IL9R: variants seen among roughly 807,000 people sequenced by gnomAD.
IL9R encodes interleukin-9 receptor.
Under a neutral mutation model 56.3 loss-of-function variants are expected in IL9R, and 54 were observed. That is an observed-to-expected ratio of 0.96 (90% confidence interval 0.77 to 1.20). The LOEUF is 1.20. Among genes scored for constraint, IL9R ranks in the 50% most tolerant of loss-of-function variants. The pLI, the probability that IL9R is intolerant of heterozygous loss-of-function variation, is 0.00. For missense variants in IL9R, 545 were observed against 629.8 expected (o/e 0.87, Z 1.44); for synonymous variants, 212 against 250.2 (o/e 0.85, Z 1.44).
intron 1 of IL9R, among the ~76,000 whole-genome samples, chrX:156,000,630 T>C (rs1160854982): frequency 6.6e-6 from 1 of 151,998 alleles, no homozygotes; most frequent in Non-Finnish European, 1.5e-5. Flanking sequence ...TGTTACCAGG[T>C]GTTGTCTGAG....
rs377005229 is a variant in IL9R at position 156,004,570 on chromosome X, C to T, written c.579+5C>T. ...AAGCAGGAAGAGGCCTGGGAGGTAA[C>T]ACTTTGGCTGGCTTTCCCTGGGGGC... On this transcript the variant is annotated splice_donor_5th_base_variant and intron_variant, in intron 5 of 8. Coordinates refer to ENST00000244174, the MANE Select transcript of IL9R (RefSeq NM_002186.3). 1 of 1,612,196 alleles carries T rather than the reference C, an allele frequency of 6.2e-7. No homozygotes were observed. The highest frequency in any genetic ancestry group is 2.2e-5 in the East Asian group (1 of 44,874).
rs1249264170 is a variant in IL9R, at chrX:156,004,450, G to C, written c.464G>C (p.Ser155Thr). ...VKLDPPSDLQ[S>T]NISSGHCILT... ...CTGGACCCGCCCTCTGACTTGCAGA[G>C]CAACATCAGTTCTGGCCACTGCATC... is the stretch of plus-strand genomic sequence containing the variant. The change falls in exon 5 of 9, where the codon AGC becomes ACC. Residue 155 changes from serine (S) to threonine (T), a missense_variant. Physicochemically the swap from Ser to Thr is moderately conservative, Grantham distance 58 (BLOSUM62 1). Transcript: ENST00000244174. 3.7e-6 allele frequency: 6 copies of C among 1,613,790 alleles called. No individual in the cohort carries two copies. Among genetic ancestry groups the C allele is most frequent in the Non-Finnish European group, 3.4e-6 (4 of 1,179,848 alleles).
Position 156,006,150 on chromosome X carries a change from G to A in IL9R, c.849G>A (p.Leu283=). Residue 283 remains leucine, a synonymous_variant, in exon 7 of 9, where the codon CTG becomes CTA. Transcript: ENST00000244174. ...TTGCTGTGTCCATCTTTCTCCTGCT[G>A]ACTGGCCCGACCTACCTCCTGTTCA... ...TLVAVSIFLL[L]TGPTYLLFKL... is the part of the protein sequence containing the mutation. The A allele has an allele frequency of 6.6e-7, 1 of 1,514,430 alleles. No homozygotes were observed. The highest frequency in any genetic ancestry group is 9.2e-7 in the Non-Finnish European group (1 of 1,092,238). 93.8% of individuals were successfully genotyped at this position (1,514,430 alleles called of 1,614,324 possible).
At chrX:156,004,649 T>A in intron 5 of IL9R, 84 bp downstream of exon 5, 3 of 1,375,784 alleles carry the variant, frequency 2.2e-6, no homozygotes, top group Non-Finnish European at 3.1e-6. Flanking sequence ...CATAGGGAGA[T>A]GTCAACTTGT....
At chrX:155,999,032 T>C (rs1284254700) in intron 1 of IL9R, among the ~76,000 whole-genome samples, 1 of 151,942 alleles carries the variant, frequency 6.6e-6, no homozygotes, top group East Asian at 1.9e-4. Flanking sequence ...GCCCTGTCAG[T>C]TCAGGGCTGT....
downstream of IL9R, among the ~76,000 whole-genome samples, chrX:156,011,502 T>C (rs1177960667): frequency 2.9e-5 from 3 of 103,198 alleles, 1 homozygote; most frequent in African/African-American, 1.8e-4. Flanking sequence ...GGGGAATGCA[T>C]TGTGGTGTCT....
At chrX:156,007,347 G>C in intron 7 of IL9R, among the ~76,000 whole-genome samples, 176 bp from the exon 8 acceptor site, 1 of 150,838 alleles carries the variant, frequency 6.6e-6, no homozygotes, top group South Asian at 2.1e-4. Flanking sequence ...CGTTAGGCAA[G>C]GAGGCCCAGT....
At chrX:156,001,253 A>G (rs937057013) in intron 1 of IL9R, 5 of 711,218 alleles carry the variant, frequency 7.0e-6, no homozygotes, top group Non-Finnish European at 1.0e-5. Flanking sequence ...GTGTTTCTCC[A>G]CTGCTGGGGC....
rs201133561 is a variant in IL9R, at chrX:156,009,841, G to T, written c.998G>T (p.Gly333Val). ...FQTWMGAHGA[G>V]VLLSQDCAGT... ...ACTTGGATGGGGGCCCACGGGGCCG[G>T]TGTGCTGTTGAGCCAGGACTGTGCT... Residue 333 changes from glycine (G) to valine (V), a missense_variant, in exon 9 of 9, where the codon GGT becomes GTT. Physicochemically the swap from Gly to Val is moderately radical, Grantham distance 109. Coordinates refer to ENST00000244174, the MANE Select transcript of IL9R (RefSeq NM_002186.3). 1.9e-5 allele frequency: 28 copies of T among 1,475,934 alleles called. 3 individuals carry two copies. The highest frequency in any genetic ancestry group is 3.6e-5 in the Admixed American group (2 of 56,062). The allele number at this position is 1,475,934 out of a possible 1,614,324, so 91.4% of individuals were successfully genotyped here.
chrX:155,999,893 A>C (rs1015508290), intron 1 of IL9R, among the ~76,000 whole-genome samples: 1 of 152,134 alleles, frequency 6.6e-6, no homozygotes, highest in Non-Finnish European at 1.5e-5. Flanking sequence ...TGGGAGGCCA[A>C]AGCAGGTGAA....
intron 7 of IL9R, among the ~76,000 whole-genome samples, chrX:156,006,437 G>T (rs751494578): frequency 1.3e-5 from 2 of 149,008 alleles, no homozygotes; most frequent in Non-Finnish European, 3.0e-5. Flanking sequence ...GGGAAGGGGG[G>T]TCTGAGGCAG....
intron 4 of IL9R, 146 bp downstream of exon 4, chrX:156,004,001 G>C (rs1224034043): frequency 6.7e-6 from 6 of 898,546 alleles, no homozygotes; most frequent in Non-Finnish European, 8.5e-6. Context: ...CTGGGGGCAG[G>C]CTTGGCCCTT....
intron 8 of IL9R, among the ~76,000 whole-genome samples, chrX:156,008,569 C>A (rs1443361157): frequency 6.6e-6 from 1 of 151,246 alleles, no homozygotes; most frequent in South Asian, 2.1e-4. Flanking sequence ...TTGTGACTGT[C>A]CCCTGGACTG....
Position 156,004,531 on chromosome X carries a change from A to G in IL9R, c.545A>G (p.Glu182Gly), listed in dbSNP as rs754934727. Residue 182 changes from glutamate (E) to glycine (G), a missense_variant, in exon 5 of 9, where the codon GAG (glutamate) becomes GGG (glycine). Glu to Gly is a moderately conservative substitution (Grantham distance 98). This residue lies in a region of IL9R where 431 missense variants were observed against 360.0 expected (regional missense o/e 1.20). Transcript: ENST00000244174. ...CCAATGACCACACTTCTCAGCTATGAGCTGGCCTTCAAGAAGCAGGAAGAG... is the reference window on the plus strand; with the variant it reads ...CCAATGACCACACTTCTCAGCTATGGGCTGGCCTTCAAGAAGCAGGAAGAG... ...LEPMTTLLSY[E>G]LAFKKQEEAW... 2.5e-6 allele frequency: 4 copies of G among 1,613,206 alleles called. No homozygotes were observed. Among genetic ancestry groups the G allele is most frequent in the Non-Finnish European group, 3.4e-6 (4 of 1,179,854 alleles).
rs751104346 is a variant in IL9R at position 156,010,104 on chromosome X, C to T, written c.1261C>T (p.Pro421Ser). Reference protein sequence around the residue: ...EDWAPTSLTRPAPPDSEGSRS... With the variant: ...EDWAPTSLTRSAPPDSEGSRS... ...CTGGGCCCCCACGTCCCTGACTAGG[C>T]CGGCTCCCCCAGACTCAGAGGGCAG... Residue 421 changes from proline (P) to serine (S), a missense_variant, in exon 9 of 9, where the codon CCG becomes TCG. Pro to Ser is a moderately conservative substitution (Grantham distance 74, BLOSUM62 -1). This residue lies in a region of IL9R where 114 missense variants were observed against 269.8 expected (regional missense o/e 0.42). Transcript: ENST00000244174. 8.2e-6 allele frequency: 13 copies of T among 1,584,994 alleles called. No homozygotes were observed. Among genetic ancestry groups the T allele is most frequent in the Non-Finnish European group, 1.1e-5 (13 of 1,177,002 alleles).
intron 1 of IL9R, among the ~76,000 whole-genome samples, chrX:156,001,014 A>G (rs2067484347): frequency 6.6e-6 from 1 of 152,080 alleles, no homozygotes; most frequent in Non-Finnish European, 1.5e-5. Flanking sequence ...AGTGCAGAGG[A>G]AAAGCAGAGA....
chrX:156,002,895 G>A lies in IL9R; in HGVS notation c.29-11G>A. The A allele has an allele frequency of 6.2e-7, 1 of 1,613,798 alleles. No homozygotes were observed. Among genetic ancestry groups the A allele is most frequent in the Non-Finnish European group, 8.5e-7 (1 of 1,179,862 alleles). On this transcript the variant is annotated splice_polypyrimidine_tract_variant and intron_variant, in intron 1 of 8. Transcript: ENST00000244174. ...TGATTTGCACAGGGCCCTCAGCCCA[G>A]TCCCTTGCAGGCTGGACCTTGGAGA...
Position 156,003,458 on chromosome X carries a change from C to G in IL9R, c.152C>G (p.Ser51Cys), listed in dbSNP as rs746806551. 2 of 1,611,216 alleles carry G rather than the reference C, an allele frequency of 1.2e-6. No individual in the cohort carries two copies. The highest frequency in any genetic ancestry group is 1.1e-5 in the South Asian group (1 of 90,960). ...TGGTCACTGTCTCCAGGGCCAAGGT[C>G]TAGAACCTTCACCTGCCTCACCAAC... The part of the protein sequence containing the change: ...SVTGEGQGPR[S>C]RTFTCLTNNI... Residue 51 changes from serine to cysteine, a missense_variant, in exon 3 of 9, where the codon TCT becomes TGT. Ser to Cys is a moderately radical substitution (Grantham distance 112, BLOSUM62 -1). Transcript: ENST00000244174.
intron 7 of IL9R, among the ~76,000 whole-genome samples, chrX:156,007,091 G>C (rs1452169570): frequency 6.6e-6 from 1 of 151,752 alleles, no homozygotes; most frequent in Non-Finnish European, 1.5e-5. Flanking sequence ...GGACCTGTTG[G>C]GTTGGAGCCC....
Sources: gnomAD v4.1 joint callset for allele counts (sites outside exome capture counted in the v4.1 genomes callset) on GRCh38, gnomAD v4.1.1 for gene constraint, gnomAD v4.1.1 regional missense constraint, MANE v1.5 for transcripts, NCBI Gene and HGNC (gene_info 2026-07-23, HGNC 2026-07-21) for gene names.